SLC23A2: variants seen among roughly 807,000 people sequenced by gnomAD.
SLC23A2 encodes the protein Na(+)/L-ascorbic acid transporter 2.
SLC23A2 carries 36 observed loss-of-function variants against 73.3 expected under a neutral mutation model. The ratio of observed to expected loss-of-function variants is 0.49; its 90% confidence interval spans 0.38 to 0.65. The LOEUF is 0.65. Ranked by LOEUF, SLC23A2 falls within the 30% of genes least tolerant of loss-of-function variation. The probability of loss-of-function intolerance (pLI) is 0.00; values close to 1 mark genes in which losing one functional copy is unlikely to be tolerated. For missense variants in SLC23A2, 507 were observed against 841.6 expected (o/e 0.60, Z 4.92); for synonymous variants, 343 against 327.3 (o/e 1.05, Z -0.52).
intron 3 of SLC23A2, among the ~76,000 whole-genome samples, chr20:4,931,068 GAAAAAAAAAAA>G (rs758041566): frequency 3.6e-4 from 27 of 75,058 alleles, no homozygotes; most frequent in South Asian, 2.5e-3. Context: ...ATTTTTTTAA[GAAAAAAAAAAA>G]AAAAAAAAAA....
Position 4,991,540 on chromosome 20 carries a change from G to A in SLC23A2, c.-282+9866C>T, listed in dbSNP as rs369635496. On this transcript the variant is annotated intron_variant, in intron 1 of 16. Transcript: ENST00000338244. ...AGTTCAAGACCAGCCTGACCAATACGGTGAAACCCCATCTCTACTAAAAAT... is the reference window on the plus strand; with the variant it reads ...AGTTCAAGACCAGCCTGACCAATACAGTGAAACCCCATCTCTACTAAAAAT... Among the ~76,000 whole-genome samples, 71 of 152,078 alleles carry A rather than the reference G, an allele frequency of 4.7e-4. 1 individual carries two copies. Among genetic ancestry groups the A allele is most frequent in the East Asian group, 4.3e-3 (22 of 5,174 alleles).
At chr20:4,983,405 G>A (rs1022211085) in intron 1 of SLC23A2, among the ~76,000 whole-genome samples, 7 of 152,096 alleles carry the variant, frequency 4.6e-5, no homozygotes, top group Non-Finnish European at 1.0e-4. Flanking sequence ...CCAGCACTTC[G>A]GGAGGCCAAG....
chr20:4,965,015 C>T (rs1194035156), intron 2 of SLC23A2, among the ~76,000 whole-genome samples: 1 of 151,752 alleles, frequency 6.6e-6, no homozygotes, highest in Non-Finnish European at 1.5e-5. Context: ...GTACATATGT[C>T]ACTTTCATAA....
chr20:4,966,808 T>C (rs112907344), intron 2 of SLC23A2, among the ~76,000 whole-genome samples: 66 of 67,996 alleles, frequency 9.7e-4, no homozygotes, highest in Middle Eastern at 7.7e-3. Flanking sequence ...TTTGATAGTT[T>C]TACACACACA....
At chr20:4,886,592 A>G (rs1448869877) in intron 6 of SLC23A2, among the ~76,000 whole-genome samples, 1 of 152,234 alleles carries the variant, frequency 6.6e-6, no homozygotes, top group Non-Finnish European at 1.5e-5. Flanking sequence ...CTCAAATGAC[A>G]TGATTTGATT....
chr20:4,882,022 C>T (rs933010239), intron 9 of SLC23A2, among the ~76,000 whole-genome samples: 1 of 152,204 alleles, frequency 6.6e-6, no homozygotes, highest in Non-Finnish European at 1.5e-5. Context: ...CACATGCCAT[C>T]TTCCCATCTC....
At chr20:4,912,843 C>T (rs764059764) in intron 4 of SLC23A2, 37 bp downstream of exon 4, 11 of 1,295,068 alleles carry the variant, frequency 8.5e-6, no homozygotes, top group South Asian at 3.6e-5. Flanking sequence ...GAGGGGATGG[C>T]GGTGGGAGTG....
At chr20:4,975,282 A>C (rs1389779525) in intron 1 of SLC23A2, among the ~76,000 whole-genome samples, 1 of 152,226 alleles carries the variant, frequency 6.6e-6, no homozygotes, top group African/African-American at 2.4e-5. Context: ...ACAACGGAAG[A>C]AAACTATGTA....
chr20:5,002,606 TCA>T (rs1433202389), upstream of SLC23A2, among the ~76,000 whole-genome samples: 1 of 152,250 alleles, frequency 6.6e-6, no homozygotes, highest in African/African-American at 2.4e-5. Flanking sequence ...GAAAGTGACA[TCA>T]CACATATTAA....
At chr20:4,987,803 G>A (rs1274524420) in intron 1 of SLC23A2, among the ~76,000 whole-genome samples, 1 of 150,376 alleles carries the variant, frequency 6.6e-6, no homozygotes, top group Non-Finnish European at 1.5e-5. Context: ...AGCCGATCAC[G>A]CCACTGTGCT....
intron 3 of SLC23A2, among the ~76,000 whole-genome samples, chr20:4,919,480 C>A (rs577666048): frequency 3.3e-5 from 5 of 152,322 alleles, no homozygotes; most frequent in African/African-American, 9.6e-5. Flanking sequence ...AGGAGCCTTA[C>A]CTCTCCCCAT....
chr20:4,869,784 G>A, intron 12 of SLC23A2, 122 bp downstream of exon 12: 2 of 804,658 alleles, frequency 2.5e-6, no homozygotes, highest in Non-Finnish European at 4.0e-6. Context: ...AGTCGCTAGA[G>A]TCCTGCTGCT....
At chr20:4,969,486 C>T (rs924858671) in intron 2 of SLC23A2, among the ~76,000 whole-genome samples, 3 of 151,704 alleles carry the variant, frequency 2.0e-5, no homozygotes, top group Non-Finnish European at 4.4e-5. Context: ...TTTTACTGCA[C>T]ATAAAATTTT....
At chr20:4,890,177 T>C (rs1931277091) in intron 6 of SLC23A2, among the ~76,000 whole-genome samples, 2 of 152,190 alleles carry the variant, frequency 1.3e-5, no homozygotes, top group Non-Finnish European at 2.9e-5. Context: ...GCTTCCTTCA[T>C]CTACCAAGAC....
At chr20:5,005,779 G>A (rs1339844618), upstream of SLC23A2, among the ~76,000 whole-genome samples, 1 of 152,148 alleles carries the variant, frequency 6.6e-6, no homozygotes, top group Non-Finnish European at 1.5e-5. Flanking sequence ...CTTGAGGTCA[G>A]GAGTTCGAGA....
Position 4,852,831 on chromosome 20 carries a change from T to A in SLC23A2, c.*4141A>T, listed in dbSNP as rs1929575534. 2 of 152,430 alleles carry A rather than the reference T, an allele frequency of 1.3e-5. 1 individual carries two copies. The highest frequency in any genetic ancestry group is 4.1e-4 in the South Asian group (2 of 4,822). 9.4% of individuals were successfully genotyped at this position (152,430 alleles called of 1,614,324 possible). ...AACACGCACAGCAATGCTAAGGACA[T>A]GGGAGGGTAGAGTGATGCTGAAACA... On this transcript the variant is annotated 3_prime_UTR_variant, in exon 17 of 17. Transcript: ENST00000338244. This position sits in a 1 kb window ranked among gnomAD's most constrained non-coding sequence, Gnocchi z 4.3.
chr20:4,891,458 G>T (rs976853525), intron 6 of SLC23A2, among the ~76,000 whole-genome samples: 3 of 152,164 alleles, frequency 2.0e-5, no homozygotes, highest in African/African-American at 7.2e-5. Flanking sequence ...AGGCAAGAGG[G>T]TCTCCGGCCT....
At chr20:4,903,549 A>G (rs1931828719) in intron 4 of SLC23A2, among the ~76,000 whole-genome samples, 1 of 152,236 alleles carries the variant, frequency 6.6e-6, no homozygotes, top group African/African-American at 2.4e-5. Flanking sequence ...CACATGGAAA[A>G]ATGCTGATTC....
intron 15 of SLC23A2, 86 bp from the exon 16 acceptor site, chr20:4,859,470 A>G: frequency 2.4e-6 from 2 of 823,524 alleles, no homozygotes; most frequent in South Asian, 1.4e-5. Context: ...TGGTGTGGGC[A>G]GAACTCCGCC....
Sources: allele counts gnomAD v4.1 joint callset (sites outside exome capture counted in the v4.1 genomes callset), GRCh38; gene constraint gnomAD v4.1.1; non-coding constraint Gnocchi (gnomAD v3.1); transcripts MANE v1.5; gene names NCBI Gene and HGNC (gene_info 2026-07-23, HGNC 2026-07-21).